The following CCDC30 variants were observed in gnomAD, a reference collection of about 807,000 sequenced individuals.
The protein encoded by CCDC30 is coiled-coil domain-containing protein 30.
In CCDC30, 70 loss-of-function variants were observed where a neutral mutation model predicts 100.2. The observed-to-expected ratio is 0.70, with a 90% CI of 0.58 to 0.85. CCDC30 has a LOEUF of 0.85. Ranked by LOEUF, CCDC30 falls within the 40% of genes least tolerant of loss-of-function variation. The pLI, the probability that CCDC30 is intolerant of heterozygous loss-of-function variation, is 0.00. For synonymous variants in CCDC30, 233 were observed against 269.5 expected (o/e 0.86, Z 1.33); for missense variants, 652 against 771.2 (o/e 0.85, Z 1.83).
At chr1:42,547,930 A>G (rs1645177225) in intron 6 of CCDC30, among the ~76,000 whole-genome samples, 1 of 152,240 alleles carries the variant, frequency 6.6e-6, no homozygotes, top group South Asian at 2.1e-4. Flanking sequence ...CTATGGGAAC[A>G]CAAAGCATGG....
intron 12 of CCDC30, among the ~76,000 whole-genome samples, chr1:42,642,104 T>C (rs1363605046): frequency 2.0e-5 from 3 of 151,938 alleles, no homozygotes; most frequent in South Asian, 2.1e-4. Flanking sequence ...TGGGCACCTG[T>C]AGTCCCAGCT....
At chr1:42,482,950 G>A in intron 3 of CCDC30, 134 bp downstream of exon 3, 1 of 610,726 alleles carries the variant, frequency 1.6e-6, no homozygotes, top group Admixed American at 4.4e-5. Flanking sequence ...GTGATGAACA[G>A]CCTCATTTTC....
intron 10 of CCDC30, chr1:42,594,975 C>T (rs1646256140): frequency 6.6e-6 from 1 of 151,020 alleles, no homozygotes; most frequent in Non-Finnish European, 1.5e-5. Context: ...AGTGTTGTCA[C>T]CTGGCCAGCA....
chr1:42,473,338 T>C, intron 1 of CCDC30: 1 of 1,126,490 alleles, frequency 8.9e-7, no homozygotes, highest in Non-Finnish European at 1.1e-6. Context: ...TAAAGACACC[T>C]GTGATTTTGT....
At chr1:42,524,371 ACGC>A (rs1644692943) in intron 6 of CCDC30, among the ~76,000 whole-genome samples, 1 of 152,104 alleles carries the variant, frequency 6.6e-6, no homozygotes, top group Non-Finnish European at 1.5e-5. Context: ...TCCTCTCTAT[ACGC>A]AGTTGCTTTC....
rs924550791 is a variant in CCDC30, at chr1:42,493,549, T to C, written c.241+3320T>C. Among the ~76,000 whole-genome samples, 10 of 152,020 alleles carry C rather than the reference T, an allele frequency of 6.6e-5. No individual in the cohort carries two copies. In the Middle Eastern group the frequency reaches 0.014, roughly 207 times the overall value. On this transcript the variant is annotated intron_variant, in intron 4 of 16. Transcript: ENST00000668663. The stretch of plus-strand genomic sequence containing the variant: ...TTGCAGTGACCGGAGATTGTGCCAC[T>C]GCACTCCAGCCTGGCCACAGATGGA...
upstream of CCDC30, among the ~76,000 whole-genome samples, chr1:42,460,790 A>G (rs1643390269): frequency 6.6e-6 from 1 of 152,244 alleles, no homozygotes; most frequent in Admixed American, 6.5e-5. Context: ...TCTCTCTGCA[A>G]AGTAATGCCA....
Position 42,501,772 on chromosome 1 carries a change from T to A in CCDC30, c.456+2856T>A, listed in dbSNP as rs187166020. ...CCAGCAGAGGCTGCAGAACAGCAAA[T>A]ATTGCAGAACAGCAAATGTTGCTGC... On this transcript the variant is annotated intron_variant, in intron 6 of 16. Transcript: ENST00000668663. Among the ~76,000 whole-genome samples the A allele has an allele frequency of 2.3e-3, 346 of 152,242 alleles. 2 individuals carry two copies. The highest frequency in any genetic ancestry group is 8.0e-3 in the African/African-American group (333 of 41,550).
At chr1:42,508,659 G>A (rs1420870950) in intron 6 of CCDC30, among the ~76,000 whole-genome samples, 3 of 152,170 alleles carry the variant, frequency 2.0e-5, no homozygotes, top group Non-Finnish European at 2.9e-5. Context: ...AACAGAGGGT[G>A]TGTACGTGTG....
intron 6 of CCDC30, among the ~76,000 whole-genome samples, chr1:42,505,736 TC>T (rs1644384822): frequency 6.6e-6 from 1 of 152,322 alleles, no homozygotes; most frequent in African/African-American, 2.4e-5. Context: ...GGTGATCCTT[TC>T]CTCTTAAGTT....
At chr1:42,565,015 T>C (rs1029734744) in intron 6 of CCDC30, among the ~76,000 whole-genome samples, 3 of 152,220 alleles carry the variant, frequency 2.0e-5, no homozygotes, top group African/African-American at 7.2e-5. Context: ...AATGACAGGA[T>C]TTCTGTCTTT....
At position 42,644,687 on chromosome 1, in the gene CCDC30, T is replaced by C. The variant is rs1204577432; in HGVS notation, c.1557-6T>C. The C allele has an allele frequency of 6.5e-7, 1 of 1,533,758 alleles. No homozygotes were observed. Among genetic ancestry groups the C allele is most frequent in the African/African-American group, 1.4e-5 (1 of 73,356 alleles). ...TAATCATGCCACTGATTTATGCCAT[T>C]CTTAGGGTACTTTACATGGATAAAG... is the stretch of plus-strand genomic sequence containing the variant. On this transcript the variant is annotated splice_polypyrimidine_tract_variant and splice_region_variant and intron_variant, in intron 13 of 16. Transcript: ENST00000668663.
exon 7 of CCDC30, chr1:42,566,310 A>G: frequency 6.2e-7 from 1 of 1,613,258 alleles, no homozygotes; most frequent in Non-Finnish European, 8.5e-7. Context: ...CATCATCTGG[A>G]GAAAAACTAA....
intron 11 of CCDC30, among the ~76,000 whole-genome samples, chr1:42,629,208 AG>A (rs1646987951): frequency 6.6e-6 from 1 of 152,262 alleles, no homozygotes; most frequent in South Asian, 2.1e-4. Context: ...CTTGTAGGAC[AG>A]AACCAGTGTT....
At chr1:42,530,667 T>C (rs1425233621) in intron 6 of CCDC30, among the ~76,000 whole-genome samples, 2 of 152,148 alleles carry the variant, frequency 1.3e-5, no homozygotes, top group Non-Finnish European at 2.9e-5. Flanking sequence ...TTAAAAATAG[T>C]GTAACAACAA....
intron 3 of CCDC30, among the ~76,000 whole-genome samples, chr1:42,483,275 C>T (rs1467070912): frequency 6.6e-6 from 1 of 152,170 alleles, no homozygotes; most frequent in Non-Finnish European, 1.5e-5. Context: ...AATAAACATA[C>T]TGCAATTTAT....
chr1:42,651,038 G>A (rs1194540736), intron 15 of CCDC30, among the ~76,000 whole-genome samples: 1 of 152,154 alleles, frequency 6.6e-6, no homozygotes. Context: ...AAGAATGAAA[G>A]TGGACCGTTA....
chr1:42,456,260 C>T, the CCDC30 span: 1 of 600,680 alleles, frequency 1.7e-6, no homozygotes, highest in Non-Finnish European at 3.0e-6. Context: ...CAGAAAGGCC[C>T]GTACAGTGGC....
chr1:42,551,826 C>T (rs942934972), intron 6 of CCDC30, among the ~76,000 whole-genome samples: 1 of 151,390 alleles, frequency 6.6e-6, no homozygotes, highest in Non-Finnish European at 1.5e-5. Context: ...GCCATCACAG[C>T]TCACTACAAC....
Sources: allele counts gnomAD v4.1 joint callset (sites outside exome capture counted in the v4.1 genomes callset), GRCh38; gene constraint gnomAD v4.1.1; transcripts MANE v1.5; gene names NCBI Gene and HGNC (gene_info 2026-07-23, HGNC 2026-07-21).